Variants in NRG3 observed in about 807,000 individuals in gnomAD.
NRG3 encodes the protein pro-neuregulin-3, membrane-bound isoform.
Under a neutral mutation model 66.9 loss-of-function variants are expected in NRG3, and 31 were observed. The ratio of observed to expected loss-of-function variants is 0.46; its 90% confidence interval spans 0.35 to 0.63. The LOEUF is 0.63. Ranked by LOEUF, NRG3 falls within the 20% of genes least tolerant of loss-of-function variation. The pLI is 0.00. For synonymous variants in NRG3, 393 were observed against 359.4 expected (o/e 1.09, Z -1.06); for missense variants, 910 against 878.9 (o/e 1.04, Z -0.45).
At chr10:82,534,054 T>G (rs949016327) in intron 2 of NRG3, among the ~76,000 whole-genome samples, 7 of 152,134 alleles carry the variant, frequency 4.6e-5, no homozygotes, top group African/African-American at 1.7e-4. Flanking sequence ...ATCTTAGGAA[T>G]AAACTTAACT....
chr10:82,021,526 G>C (rs2062058161), intron 1 of NRG3, among the ~76,000 whole-genome samples: 2 of 151,986 alleles, frequency 1.3e-5, no homozygotes, highest in South Asian at 2.1e-4. Context: ...TATGGCATTG[G>C]GTTACCAGAA....
intron 6 of NRG3, among the ~76,000 whole-genome samples, chr10:82,970,657 C>G (rs1851638707): frequency 6.6e-6 from 1 of 152,048 alleles, no homozygotes; most frequent in Admixed American, 6.6e-5. Context: ...TTTCCCCAGG[C>G]TTTTACTTAT....
At chr10:82,572,659 T>C (rs1460630081) in intron 2 of NRG3, among the ~76,000 whole-genome samples, 1 of 151,684 alleles carries the variant, frequency 6.6e-6, no homozygotes, top group African/African-American at 2.4e-5. Context: ...TTGGCCCTTA[T>C]TCCTCTTTCT....
At position 82,361,640 on chromosome 10, in the gene NRG3, A is replaced by T. The variant is rs1937960; in HGVS notation, c.953+2772A>T. ...AATACATACAGAAATGAATTTAAAA[A>T]TTAAATGTCACAGTGCTTTGTAATG... is the stretch of plus-strand genomic sequence containing the variant. On this transcript the variant is annotated intron_variant, in intron 2 of 8. Transcript: ENST00000372141. Among the ~76,000 whole-genome samples the T allele has an allele frequency of 5.8e-3, 882 of 152,374 alleles. 7 individuals carry two copies. The highest frequency in any genetic ancestry group is 0.021 in the African/African-American group (853 of 41,596).
chr10:82,344,204 C>A (rs1589785544), intron 1 of NRG3, among the ~76,000 whole-genome samples: 1 of 148,206 alleles, frequency 6.7e-6, no homozygotes, highest in African/African-American at 2.6e-5. Flanking sequence ...CCAATGCTAT[C>A]CCTCCCCGCT....
At chr10:82,617,269 CACAA>C (rs1319346726) in intron 2 of NRG3, among the ~76,000 whole-genome samples, 2 of 149,338 alleles carry the variant, frequency 1.3e-5, no homozygotes, top group Non-Finnish European at 3.0e-5. Flanking sequence ...CATACACACA[CACAA>C]ACACAAACAC....
intron 1 of NRG3, among the ~76,000 whole-genome samples, chr10:82,008,502 T>C (rs2061457879): frequency 6.6e-6 from 1 of 152,204 alleles, no homozygotes; most frequent in African/African-American, 2.4e-5. Flanking sequence ...TTGGAAGGTA[T>C]TTAATATATC....
At chr10:82,237,416 T>A (rs931816242) in intron 1 of NRG3, among the ~76,000 whole-genome samples, 1 of 152,242 alleles carries the variant, frequency 6.6e-6, no homozygotes, top group Non-Finnish European at 1.5e-5. Flanking sequence ...TTCCTGCTTA[T>A]TCTTACAACA....
At chr10:82,972,009 A>G (rs1423205709) in intron 6 of NRG3, among the ~76,000 whole-genome samples, 2 of 152,152 alleles carry the variant, frequency 1.3e-5, no homozygotes, top group African/African-American at 2.4e-5. Context: ...CCAGATATTC[A>G]GTGTATGAAT....
intron 1 of NRG3, among the ~76,000 whole-genome samples, chr10:82,319,611 C>A (rs1564791108): frequency 6.6e-6 from 1 of 152,172 alleles, no homozygotes; most frequent in Non-Finnish European, 1.5e-5. Context: ...TTTCAGAAAC[C>A]TGCTGAGCCT....
intron 1 of NRG3, among the ~76,000 whole-genome samples, chr10:82,204,646 C>T (rs1366279543): frequency 6.6e-6 from 1 of 152,108 alleles, no homozygotes; most frequent in Admixed American, 6.5e-5. Context: ...ATCTCTCCAC[C>T]ATTACTAGCC....
intron 2 of NRG3, among the ~76,000 whole-genome samples, chr10:82,684,542 A>C (rs775436677): frequency 4.6e-5 from 7 of 152,216 alleles, no homozygotes; most frequent in East Asian, 3.9e-4. Context: ...ACAAAAAAAA[A>C]CAGTACATTT....
chr10:82,958,247 C>T (rs1850268666), intron 5 of NRG3, among the ~76,000 whole-genome samples: 1 of 152,190 alleles, frequency 6.6e-6, no homozygotes, highest in African/African-American at 2.4e-5. Context: ...GACTATGTGA[C>T]GTCAAACAAA....
chr10:82,413,667 C>T (rs924781999), intron 2 of NRG3, among the ~76,000 whole-genome samples: 2 of 152,110 alleles, frequency 1.3e-5, no homozygotes, highest in Non-Finnish European at 2.9e-5. Context: ...CTGTTTCATC[C>T]ATATTGAAAA....
chr10:82,066,407 T>C (rs1377686977), intron 1 of NRG3, among the ~76,000 whole-genome samples: 2 of 152,218 alleles, frequency 1.3e-5, no homozygotes, highest in Non-Finnish European at 2.9e-5. Context: ...TTTGTAGACA[T>C]GCCTATGGGA....
chr10:82,391,960 G>GCTGCCAAAGTTGAATCCTCTTT (rs2086394149), intron 2 of NRG3, among the ~76,000 whole-genome samples: 1 of 128,116 alleles, frequency 7.8e-6, no homozygotes, highest in African/African-American at 3.1e-5. Flanking sequence ...CATCAGTAGT[G>GCTGCCAAAGTTGAATCCTCTTT]CTGCCAAAGT....
intron 4 of NRG3, among the ~76,000 whole-genome samples, chr10:82,902,876 AT>A (rs1304282831): frequency 6.6e-6 from 1 of 152,002 alleles, no homozygotes; most frequent in Admixed American, 6.6e-5. Context: ...TTTATATGCA[AT>A]TTTTTATAAT....
rs188283097 is a variant in NRG3 at position 82,474,660 on chromosome 10, G to A, written c.953+115792G>A. ...GGGGACCAATGTATGTACTACAGGA[G>A]TCCAAGAAAGAGAAGCAGGAGAGAA... On this transcript the variant is annotated intron_variant, in intron 2 of 8. Coordinates refer to ENST00000372141, the MANE Select transcript of NRG3 (RefSeq NM_001010848.4). Among the ~76,000 whole-genome samples the A allele has an allele frequency of 5.4e-4, 82 of 152,176 alleles. 1 individual carries two copies. Among genetic ancestry groups the A allele is most frequent in the Admixed American group, 2.7e-3 (41 of 15,282 alleles).
At chr10:81,931,677 A>G (rs1263643149) in intron 1 of NRG3, among the ~76,000 whole-genome samples, 2 of 152,162 alleles carry the variant, frequency 1.3e-5, no homozygotes, top group Non-Finnish European at 2.9e-5. Context: ...TTCATTCTCT[A>G]AAAGCCCAAC....
Sources: gnomAD v4.1 joint callset for allele counts (sites outside exome capture counted in the v4.1 genomes callset) on GRCh38, gnomAD v4.1.1 for gene constraint, MANE v1.5 for transcripts, NCBI Gene and HGNC (gene_info 2026-07-23, HGNC 2026-07-21) for gene names.